EYS: variants seen among roughly 807,000 people sequenced by gnomAD.
EYS encodes protein eyes shut homolog.
Under a neutral mutation model 282.1 loss-of-function variants are expected in EYS, and 250 were observed. The observed-to-expected ratio is 0.89, with a 90% CI of 0.80 to 0.98. EYS has a LOEUF of 0.98. EYS is among the 50% of genes least tolerant of loss of function. EYS has a pLI of 0.00. For synonymous variants in EYS, 1,355 were observed against 1,282.9 expected (o/e 1.06, Z -1.20); for missense variants, 4,016 against 3,709.0 (o/e 1.08, Z -2.15).
intron 28 of EYS, among the ~76,000 whole-genome samples, chr6:64,429,403 G>A (rs990928551): frequency 1.3e-4 from 20 of 152,310 alleles, no homozygotes; most frequent in African/African-American, 4.8e-4. Flanking sequence ...AGCCAAGGCA[G>A]GTGGATCAGT....
intron 36 of EYS, among the ~76,000 whole-genome samples, chr6:63,816,661 C>T (rs1166753467): frequency 2.0e-5 from 3 of 152,212 alleles, no homozygotes; most frequent in Admixed American, 6.5e-5. Flanking sequence ...CTAAATATTA[C>T]TCTCTCTCTT....
intron 19 of EYS, among the ~76,000 whole-genome samples, chr6:64,872,726 G>A (rs1480622783): frequency 6.6e-6 from 1 of 152,022 alleles, no homozygotes; most frequent in Non-Finnish European, 1.5e-5. Context: ...AGTAAACACA[G>A]GAAAGCTAGA....
intron 5 of EYS, among the ~76,000 whole-genome samples, chr6:65,473,725 G>C (rs978885914): frequency 2.0e-5 from 3 of 151,486 alleles, no homozygotes; most frequent in African/African-American, 4.9e-5. Flanking sequence ...TTTTGGACAA[G>C]ATTAATAAAT....
chr6:64,169,715 ATTG>A (rs1442852546), intron 31 of EYS, among the ~76,000 whole-genome samples: 73 of 152,040 alleles, frequency 4.8e-4, no homozygotes, highest in African/African-American at 1.8e-3. Flanking sequence ...TTGGCTCTTT[ATTG>A]TTCAACTCAA....
At chr6:65,209,314 T>C (rs769917525) in intron 12 of EYS, among the ~76,000 whole-genome samples, 5 of 151,332 alleles carry the variant, frequency 3.3e-5, no homozygotes, top group Admixed American at 1.3e-4. Context: ...TAAACTGAAC[T>C]AATCATAGTA....
chr6:64,866,000 T>C (rs187382831), intron 19 of EYS, among the ~76,000 whole-genome samples: 166 of 152,092 alleles, frequency 1.1e-3, no homozygotes, highest in Admixed American at 3.9e-3. Context: ...TTACAGACAG[T>C]TTGGAGATTC....
chr6:64,016,847 G>A (rs1768917498), intron 33 of EYS, among the ~76,000 whole-genome samples: 2 of 152,100 alleles, frequency 1.3e-5, no homozygotes, highest in South Asian at 4.2e-4. Context: ...TCTCTGATTA[G>A]CAGCAAATGA....
chr6:63,880,221 G>A (rs751723455), intron 35 of EYS, among the ~76,000 whole-genome samples: 7 of 152,088 alleles, frequency 4.6e-5, no homozygotes, highest in Admixed American at 2.6e-4. Context: ...CCTTAATCTG[G>A]TGGGCACCAT....
At chr6:65,300,556 C>A (rs983974687) in intron 11 of EYS, among the ~76,000 whole-genome samples, 1 of 152,078 alleles carries the variant, frequency 6.6e-6, no homozygotes, top group African/African-American at 2.4e-5. Context: ...ACTTTGGTCT[C>A]TGGCTGTGAA....
chr6:64,950,593 G>A (rs941275122), intron 14 of EYS, among the ~76,000 whole-genome samples: 1 of 150,310 alleles, frequency 6.7e-6, no homozygotes, highest in African/African-American at 2.4e-5. Flanking sequence ...AAAGAAAAAT[G>A]GTTTTATCAT....
chr6:65,100,383 A>T lies in EYS; in HGVS notation c.2024-42656T>A, dbSNP rs562895235. Among the ~76,000 whole-genome samples, 8 of 150,844 alleles carry T rather than the reference A, an allele frequency of 5.3e-5. No homozygotes were observed. The South Asian group carries it at 1.1e-3, about 20-fold the overall frequency. On this transcript the variant is annotated intron_variant, in intron 12 of 42. Transcript: ENST00000503581. ...TTTTTTTAATGAAGAACAAAAAAAG[A>T]GTCATAAGGCATTCTAAGATGAATG...
Position 64,958,734 on chromosome 6 carries a change from CAAAAAA to C in EYS, c.2260-12826_2260-12821del, listed in dbSNP as rs1167094477. 1.7e-4 allele frequency among the ~76,000 whole-genome samples: 9 copies of C among 51,674 alleles called. No homozygotes were observed. The South Asian group carries it at 2.8e-3, about 16-fold the overall frequency. 33.9% of individuals were successfully genotyped at this position (51,674 alleles called of 152,430 possible). ...TGGGCGACAAAACGAGACTCCGTCT[CAAAAAA>C]AAAAAAAAAAAAAAAAAAAAAAAGA... is the stretch of plus-strand genomic sequence containing the variant. On this transcript the variant is annotated intron_variant, in intron 14 of 42. Transcript: ENST00000503581.
chr6:65,557,675 A>T (rs1325433005), intron 2 of EYS, among the ~76,000 whole-genome samples: 1 of 152,192 alleles, frequency 6.6e-6, no homozygotes, highest in Non-Finnish European at 1.5e-5. Context: ...AGCCAGGAAC[A>T]TGTTACAGCT....
intron 28 of EYS, chr6:64,412,511 A>C (rs1036311450): frequency 9.9e-5 from 15 of 152,154 alleles, no homozygotes; most frequent in Non-Finnish European, 4.4e-5. Flanking sequence ...TAAGTATAGA[A>C]GAAAAGGAGA....
At chr6:65,118,269 C>A (rs1431207349) in intron 12 of EYS, among the ~76,000 whole-genome samples, 1 of 152,070 alleles carries the variant, frequency 6.6e-6, no homozygotes, top group Admixed American at 6.6e-5. Flanking sequence ...GTGGGCTGGG[C>A]CTTTTTGTGA....
In EYS at chr6:65,255,459, T is replaced by G. The variant is rs550207168; in HGVS notation, c.2023+40404A>C. Among the ~76,000 whole-genome samples the G allele has an allele frequency of 1.9e-4, 29 of 152,074 alleles. No individual in the cohort carries two copies. In the South Asian group the frequency reaches 5.8e-3, roughly 31 times the overall value. ...CTCCAGGACATTGTCTGGGCAAAGA[T>G]TTATTGAGTATTATCCCATAAGCCC... On this transcript the variant is annotated intron_variant, in intron 12 of 42. Coordinates refer to ENST00000503581, the MANE Select transcript of EYS (RefSeq NM_001142800.2).
intron 2 of EYS, among the ~76,000 whole-genome samples, chr6:65,520,328 A>G (rs1244585663): frequency 6.6e-6 from 1 of 152,162 alleles, no homozygotes; most frequent in East Asian, 1.9e-4. Flanking sequence ...AGTTCTAGAC[A>G]TTTAGAAATG....
intron 14 of EYS, among the ~76,000 whole-genome samples, chr6:64,979,830 A>G (rs113828744): frequency 1.9e-3 from 295 of 151,778 alleles, no homozygotes; most frequent in African/African-American, 6.4e-3. Flanking sequence ...ACTATTGTAT[A>G]GATTAATTAG....
At chr6:64,257,778 T>C (rs1345490405) in intron 30 of EYS, among the ~76,000 whole-genome samples, 1 of 151,746 alleles carries the variant, frequency 6.6e-6, no homozygotes, top group East Asian at 1.9e-4. Context: ...ATGATGATGA[T>C]GATGATGATG....
Sources: allele counts gnomAD v4.1 joint callset (sites outside exome capture counted in the v4.1 genomes callset), GRCh38; gene constraint gnomAD v4.1.1; transcripts MANE v1.5; gene names NCBI Gene and HGNC (gene_info 2026-07-23, HGNC 2026-07-21).